CCDC80: variants seen among roughly 807,000 people sequenced by gnomAD.
The protein encoded by CCDC80 is coiled-coil domain containing 80, also known as coiled-coil domain-containing protein 80.
CCDC80 carries 49 observed loss-of-function variants against 78.7 expected under a neutral mutation model. The ratio of observed to expected loss-of-function variants is 0.62; its 90% CI spans 0.50 to 0.79. The LOEUF is 0.79. CCDC80 is among the 30% of genes least tolerant of loss of function. The pLI is 0.00. For synonymous variants in CCDC80, 488 were observed against 447.0 expected, an observed-to-expected ratio of 1.09 and a Z score of -1.16; for missense variants, 1,205 against 1,198.6, an observed-to-expected ratio of 1.01 and a Z score of -0.08.
At chr3:112,635,795 A>G (rs1171952368) in intron 2 of CCDC80, among the ~76,000 whole-genome samples, 2 of 152,234 alleles carry the variant, frequency 1.3e-5, no homozygotes, top group Non-Finnish European at 2.9e-5. Flanking sequence ...GCCTCACATG[A>G]CATCAGCAGA....
In CCDC80 at chr3:112,638,891, G is replaced by A. The variant is rs762997282; in HGVS notation, c.1015C>T (p.Pro339Ser). ...GTTGAGGGAGGTTGGGGCAAAGCTG[G>A]TGCAGTGGCGGCCAGTTTTCTCAGG... is the stretch of plus-strand genomic sequence containing the variant. ...KVLRKLAATAPALPQPPSTPR... is the reference protein window; with the variant it reads ...KVLRKLAATASALPQPPSTPR... Residue 339 changes from proline (P) to serine (S), a missense_variant, in exon 2 of 8, where the codon CCA becomes TCA. Transcript: ENST00000206423. The A allele has an allele frequency of 1.2e-6, 2 of 1,613,588 alleles. No individual in the cohort carries two copies. Among genetic ancestry groups the A allele is most frequent in the South Asian group, 2.2e-5 (2 of 91,064 alleles).
rs1936321877 is a variant in CCDC80, at chr3:112,640,574, A to G, written c.-259T>C. On this transcript the variant is annotated 5_prime_UTR_variant, in exon 1 of 8. Coordinates refer to ENST00000206423, the MANE Select transcript of CCDC80 (RefSeq NM_199511.3). ...GCTGTGTCTTTTTACCTTCTGGACA[A>G]GTAGGATGAGGTGAAAGGAGCTGTC... 6.5e-6 allele frequency: 1 copy of G among 152,770 alleles called. No homozygotes were observed. Among genetic ancestry groups the G allele is most frequent in the Non-Finnish European group, 1.5e-5 (1 of 68,516 alleles). 9.5% of individuals were successfully genotyped at this position (152,770 alleles called of 1,614,324 possible).
At chr3:112,609,248 GC>G (rs1476201412) in intron 6 of CCDC80, among the ~76,000 whole-genome samples, 1 of 151,944 alleles carries the variant, frequency 6.6e-6, no homozygotes, top group Non-Finnish European at 1.5e-5. Context: ...TCATTTTACT[GC>G]CTATATATCC....
rs1226081798 is a variant in CCDC80 at position 112,639,060 on chromosome 3, C to T, written c.846G>A (p.Lys282=). 1 of 1,612,798 alleles carries T rather than the reference C, an allele frequency of 6.2e-7. No homozygotes were observed. Among genetic ancestry groups the T allele is most frequent in the Admixed American group, 1.7e-5 (1 of 60,032 alleles). The change falls in exon 2 of 8, where the codon AAG becomes AAA. Residue 282 remains lysine (K), a synonymous_variant. Transcript: ENST00000206423. ...CCACCTGGCCCTCTACACCAGAGGC[C>T]TTACATTTCTGGACAAAGCCCTTCT... ...IRQKGFVQKC[K]ASGVEGQVVA... is the part of the protein sequence containing the mutation.
intron 3 of CCDC80, among the ~76,000 whole-genome samples, chr3:112,620,863 C>T (rs933900619): frequency 6.6e-6 from 1 of 152,166 alleles, no homozygotes; most frequent in Non-Finnish European, 1.5e-5. Flanking sequence ...TTCATTCTTG[C>T]TTTTGTTCAT....
chr3:112,633,362 TA>T (rs989711345), intron 2 of CCDC80, among the ~76,000 whole-genome samples: 1 of 152,168 alleles, frequency 6.6e-6, no homozygotes, highest in Non-Finnish European at 1.5e-5. Flanking sequence ...TTATCCTCCT[TA>T]AAGTCTTTTC....
Position 112,605,372 on chromosome 3 carries a change from C to A in CCDC80, c.*45G>T, listed in dbSNP as rs759770953. The A allele has an allele frequency of 7.3e-7, 1 of 1,362,998 alleles. No homozygotes were observed. Among genetic ancestry groups the A allele is most frequent in the South Asian group, 1.3e-5 (1 of 76,804 alleles). The allele number at this position is 1,362,998 out of a possible 1,614,324, so 84.4% of individuals were successfully genotyped here. A position where few individuals can be genotyped will look rare whatever the true frequency, so the allele number is the denominator to read the frequency against. On this transcript the variant is annotated 3_prime_UTR_variant, in exon 8 of 8. Transcript: ENST00000206423. ...TGGAGCTGGCCACATGTAGTTTTAG[C>A]AGCTGCAGAGGAAACTGGCTGAGTC...
At position 112,601,708 on chromosome 3, in the gene CCDC80, G is replaced by GAAAAA. The variant is rs1935380029; in HGVS notation, c.*3708_*3709insTTTTT. The GAAAAA allele has an allele frequency of 4.5e-5, 6 of 134,470 alleles. No individual in the cohort carries two copies. The highest frequency in any genetic ancestry group is 2.2e-4 in the African/African-American group (6 of 27,546). The allele number at this position is 134,470 out of a possible 1,614,324, so 8.3% of individuals were successfully genotyped here. ...AAGAAAAAAAAAAAGAGAAAAAAAA[G>GAAAAA]AAGCAGCAGCAACGAAAGGAGGGAG... On this transcript the variant is annotated 3_prime_UTR_variant, in exon 8 of 8. Coordinates refer to ENST00000206423, the MANE Select transcript of CCDC80 (RefSeq NM_199511.3).
At position 112,605,365 on chromosome 3, in the gene CCDC80, G is replaced by T; in HGVS notation, c.*52C>A. Reference sequence around the variant, plus strand: ...GGAAGAATGGAGCTGGCCACATGTAGTTTTAGCAGCTGCAGAGGAAACTGG... The same window carrying T: ...GGAAGAATGGAGCTGGCCACATGTATTTTTAGCAGCTGCAGAGGAAACTGG... On this transcript the variant is annotated 3_prime_UTR_variant, in exon 8 of 8. Coordinates refer to ENST00000206423, the MANE Select transcript of CCDC80 (RefSeq NM_199511.3). 1 of 1,313,138 alleles carries T rather than the reference G, an allele frequency of 7.6e-7. No homozygotes were observed. 81.3% of individuals were successfully genotyped at this position (1,313,138 alleles called of 1,614,324 possible).
chr3:112,626,563 T>C (rs939007396), intron 3 of CCDC80, among the ~76,000 whole-genome samples: 2 of 152,204 alleles, frequency 1.3e-5, no homozygotes, highest in African/African-American at 4.8e-5. Context: ...ATCTATTTAT[T>C]TTGAGACAGA....
At chr3:112,621,550 T>C (rs1006644883) in intron 3 of CCDC80, among the ~76,000 whole-genome samples, 1 of 152,216 alleles carries the variant, frequency 6.6e-6, no homozygotes, top group African/African-American at 2.4e-5. Context: ...GCCACTAAGG[T>C]TTGTGGTCTT....
rs1052311136 is a variant in CCDC80 at position 112,597,879 on chromosome 3, T to C, written c.*7538A>G. On this transcript the variant is annotated 3_prime_UTR_variant, in exon 8 of 8. Transcript: ENST00000206423. ...TTATAATTAACGGCGTACCTAACTGTTCTCTACTAGTCTGAGCCTCTGTAC... is the reference window on the plus strand; with the variant it reads ...TTATAATTAACGGCGTACCTAACTGCTCTCTACTAGTCTGAGCCTCTGTAC... 6.6e-6 allele frequency: 1 copy of C among 152,198 alleles called. No homozygotes were observed. Among genetic ancestry groups the C allele is most frequent in the African/African-American group, 2.4e-5 (1 of 41,442 alleles). The allele number at this position is 152,198 out of a possible 1,614,324, so 9.4% of individuals were successfully genotyped here.
Position 112,616,797 on chromosome 3 carries a change from G to T in CCDC80, c.2234C>A (p.Ser745Tyr), listed in dbSNP as rs1360444931. Reference sequence around the variant, plus strand: ...CTGCTTCTCCATATCTTTGATTCGGGACTGGAAAGTATCGATCAGATCAAA... The same window carrying T: ...CTGCTTCTCCATATCTTTGATTCGGTACTGGAAAGTATCGATCAGATCAAA... ...SVFDLIDTFQ[S>Y]RIKDMEKQKK... Residue 745 changes from serine to tyrosine, a missense_variant, in exon 5 of 8, where the codon TCC becomes TAC. Coordinates refer to ENST00000206423, the MANE Select transcript of CCDC80 (RefSeq NM_199511.3). 3 of 1,613,994 alleles carry T rather than the reference G, an allele frequency of 1.9e-6. No homozygotes were observed. Among genetic ancestry groups the T allele is most frequent in the Non-Finnish European group, 2.5e-6 (3 of 1,179,984 alleles).
intron 6 of CCDC80, among the ~76,000 whole-genome samples, chr3:112,609,537 A>T (rs1935583176): frequency 6.6e-6 from 1 of 152,220 alleles, no homozygotes; most frequent in Non-Finnish European, 1.5e-5. Flanking sequence ...AGGGCAATAT[A>T]GTCTGCTTCA....
At position 112,640,603 on chromosome 3, in the gene CCDC80, CT is replaced by C. The variant is rs1936322105; in HGVS notation, c.-289del. 1 of 152,538 alleles carries C rather than the reference CT, an allele frequency of 6.6e-6. No homozygotes were observed. Among genetic ancestry groups the C allele is most frequent in the East Asian group, 1.9e-4 (1 of 5,204 alleles). 9.4% of individuals were successfully genotyped at this position (152,538 alleles called of 1,614,324 possible). A position where few individuals can be genotyped will look rare whatever the true frequency, so the allele number is the denominator to read the frequency against. On this transcript the variant is annotated 5_prime_UTR_variant, in exon 1 of 8. The change abolishes the stop of an existing upstream ORF in the 5' untranslated region. Coordinates refer to ENST00000206423, the MANE Select transcript of CCDC80 (RefSeq NM_199511.3). ...GGATGAGGTGAAAGGAGCTGTCCTTCTAAGTCTTTGTATCTCCATTTGTCTG... is the reference window on the plus strand; with the variant it reads ...GGATGAGGTGAAAGGAGCTGTCCTTCAAGTCTTTGTATCTCCATTTGTCTG...
At chr3:112,616,623 G>T in intron 5 of CCDC80, 87 bp downstream of exon 5, 1 of 1,452,694 alleles carries the variant, frequency 6.9e-7, no homozygotes, top group Non-Finnish European at 9.6e-7. Flanking sequence ...GTAAACACCT[G>T]TGGGATCTGT....
At chr3:112,625,485 G>T (rs1935948117) in intron 3 of CCDC80, among the ~76,000 whole-genome samples, 1 of 152,120 alleles carries the variant, frequency 6.6e-6, no homozygotes, top group South Asian at 2.1e-4. Context: ...TGATATATGT[G>T]TAAGAACAAA....
At chr3:112,612,863 T>C (rs993643597) in intron 5 of CCDC80, among the ~76,000 whole-genome samples, 3 of 131,036 alleles carry the variant, frequency 2.3e-5, no homozygotes, top group Non-Finnish European at 3.2e-5. Context: ...TACAGGACTG[T>C]AATTTTTTTT....
rs566263806 is a variant in CCDC80, at chr3:112,640,733, C to G, written c.-418G>C. The G allele has an allele frequency of 6.6e-6, 1 of 152,224 alleles. No homozygotes were observed. The highest frequency in any genetic ancestry group is 1.5e-5 in the Non-Finnish European group (1 of 68,098). 9.4% of individuals were successfully genotyped at this position (152,224 alleles called of 1,614,324 possible). A position where few individuals can be genotyped will look rare whatever the true frequency, so the allele number is the denominator to read the frequency against. ...GGCGATTTCTGAATCTCACTCTTTCCCTCTTTAAAGTTCCAGGATCCTTCT... is the reference window on the plus strand; with the variant it reads ...GGCGATTTCTGAATCTCACTCTTTCGCTCTTTAAAGTTCCAGGATCCTTCT... On this transcript the variant is annotated 5_prime_UTR_variant, in exon 1 of 8. Transcript: ENST00000206423.
Sources: gnomAD v4.1 joint callset for allele counts (sites outside exome capture counted in the v4.1 genomes callset) on GRCh38, gnomAD v4.1.1 for gene constraint, MANE v1.5 for transcripts, NCBI Gene and HGNC (gene_info 2026-07-23, HGNC 2026-07-21) for gene names.